RNF126: variants seen among roughly 807,000 people sequenced by gnomAD.
RNF126 encodes ring finger protein 126, also known as E3 ubiquitin-protein ligase RNF126.
In RNF126, 20 loss-of-function variants were observed where a neutral mutation model predicts 41.9. That is an observed-to-expected ratio of 0.48 (90% CI 0.34 to 0.69). RNF126 has a LOEUF of 0.69. Among genes scored for constraint, RNF126 ranks in the 30% least tolerant of loss-of-function variants. The pLI is 0.01. For synonymous variants in RNF126, 239 were observed against 202.9 expected (o/e 1.18, Z -1.51); for missense variants, 433 against 460.6 (o/e 0.94, Z 0.55).
chr19:649,379 C>T (rs930225095), intron 6 of RNF126: 4 of 447,810 alleles, frequency 8.9e-6, no homozygotes, highest in Admixed American at 7.7e-5. Flanking sequence ...CAGGTCAGGG[C>T]GCGACCTCTC....
intron 1 of RNF126, among the ~76,000 whole-genome samples, chr19:661,744 T>C (rs574097677): frequency 1.3e-5 from 2 of 152,298 alleles, no homozygotes; most frequent in Non-Finnish European, 2.9e-5. Flanking sequence ...TGGACTTCTC[T>C]TACGGGTCAA....
At chr19:652,569 G>T in intron 2 of RNF126, 1 of 605,280 alleles carries the variant, frequency 1.7e-6, no homozygotes, top group Admixed American at 3.0e-5. Context: ...GAGGGCCTGG[G>T]TCACCAGATT....
In RNF126 at chr19:648,685, G is replaced by A. The variant is rs180829677; in HGVS notation, c.670+197C>T. ...CCAGCCCACCTTCAGGGAAATGCTCGAGGCCGGGTGCGGTGGCTCACGCCT... is the reference window on the plus strand; with the variant it reads ...CCAGCCCACCTTCAGGGAAATGCTCAAGGCCGGGTGCGGTGGCTCACGCCT... On this transcript the variant is annotated intron_variant, in intron 7 of 8. Coordinates refer to ENST00000292363, the MANE Select transcript of RNF126 (RefSeq NM_194460.3). Among the ~76,000 whole-genome samples, 1,272 of 152,068 alleles carry A rather than the reference G, an allele frequency of 8.4e-3. 13 individuals are homozygous for A. The highest frequency in any genetic ancestry group is 0.015 in the Non-Finnish European group (1,008 of 68,008).
intron 6 of RNF126, chr19:649,220 T>TGA: frequency 8.2e-6 from 1 of 121,630 alleles, no homozygotes; most frequent in South Asian, 2.6e-4. Context: ...GACAGCGGAA[T>TGA]GGGGGGGGGG....
chr19:656,454 G>A (rs537982441), intron 1 of RNF126, among the ~76,000 whole-genome samples: 1 of 152,228 alleles, frequency 6.6e-6, no homozygotes, highest in South Asian at 2.1e-4. Context: ...AGGAGTTCGA[G>A]ACCAGCCAAC....
chr19:656,870 C>T (rs1422288227), intron 1 of RNF126, among the ~76,000 whole-genome samples: 2 of 152,168 alleles, frequency 1.3e-5, no homozygotes, highest in Non-Finnish European at 2.9e-5. Context: ...CTGCCGGTGT[C>T]GGGTCTATCG....
intron 5 of RNF126, among the ~76,000 whole-genome samples, chr19:650,033 C>G (rs1313085859): frequency 6.7e-6 from 1 of 148,350 alleles, no homozygotes; most frequent in Non-Finnish European, 1.5e-5. Context: ...TGGGGACAGG[C>G]ACCCCCACCC....
At chr19:650,364 G>T (rs1179418790) in intron 4 of RNF126, 68 bp from the exon 5 acceptor site, 2 of 1,415,306 alleles carry the variant, frequency 1.4e-6, no homozygotes, top group Non-Finnish European at 1.9e-6. Flanking sequence ...AGGCCTGCCA[G>T]GTCCGTGGTG....
chr19:652,694 G>T, intron 2 of RNF126, 132 bp downstream of exon 2: 1 of 790,890 alleles, frequency 1.3e-6, no homozygotes, highest in Non-Finnish European at 2.1e-6. Context: ...AGAGAAAAGT[G>T]CTCCCGGAGC....
chr19:658,151 G>A (rs1269413612), intron 1 of RNF126, among the ~76,000 whole-genome samples: 1 of 152,114 alleles, frequency 6.6e-6, no homozygotes, highest in Non-Finnish European at 1.5e-5. Context: ...GCAACAGCTG[G>A]CCAGGCAGCC....
At chr19:649,407 G>A in intron 6 of RNF126, 1 of 492,244 alleles carries the variant, frequency 2.0e-6, no homozygotes, top group Non-Finnish European at 3.6e-6. Context: ...GGGACCGCGT[G>A]GCCTCCTGAC....
intron 1 of RNF126, among the ~76,000 whole-genome samples, chr19:660,817 T>C (rs965742414): frequency 2.0e-5 from 3 of 152,124 alleles, no homozygotes; most frequent in African/African-American, 7.2e-5. Context: ...TAGTCTTCTG[T>C]AGAGACAGGG....
chr19:648,436 C>G lies in RNF126; in HGVS notation c.722G>C (p.Arg241Pro). ...GTGGTTGCAGGGCAGCTGCCGCACA[C>G]GCTCACCCAGCGCGTAGTCGTCCTT... ...VCKDDYALGE[R>P]VRQLPCNHLF... Residue 241 changes from arginine (R) to proline (P), a missense_variant, in exon 8 of 9, where the codon CGT becomes CCT. Arg to Pro is a moderately radical substitution (Grantham distance 103). Coordinates refer to ENST00000292363, the MANE Select transcript of RNF126 (RefSeq NM_194460.3). The G allele has an allele frequency of 1.3e-6, 2 of 1,591,190 alleles. No individual in the cohort carries two copies. Among genetic ancestry groups the G allele is most frequent in the Non-Finnish European group, 1.7e-6 (2 of 1,172,114 alleles).
chr19:652,740 G>A (rs1164523017), intron 2 of RNF126, 86 bp downstream of exon 2: 51 of 1,288,162 alleles, frequency 4.0e-5, no homozygotes, highest in Admixed American at 9.3e-5. Context: ...CACACTCGGC[G>A]GGGCGGACGC....
At chr19:653,275 C>T (rs575700437) in intron 1 of RNF126, among the ~76,000 whole-genome samples, 3 of 152,330 alleles carry the variant, frequency 2.0e-5, no homozygotes, top group East Asian at 1.9e-4. Flanking sequence ...ATTTCCAGGA[C>T]GCTCTGGCAG....
intron 1 of RNF126, among the ~76,000 whole-genome samples, chr19:662,503 T>C (rs1237879529): frequency 6.6e-6 from 1 of 152,042 alleles, no homozygotes; most frequent in Non-Finnish European, 1.5e-5. Context: ...GGCCTGGGCC[T>C]GCCTCCAAGG....
intron 1 of RNF126, among the ~76,000 whole-genome samples, chr19:654,619 G>C (rs190126798): frequency 8.1e-6 from 1 of 122,830 alleles, no homozygotes; most frequent in Non-Finnish European, 1.6e-5. Flanking sequence ...CTGCAGCCTG[G>C]GCGAGGGAGC....
rs773981212 is a variant in RNF126, at chr19:647,983, C to T, written c.*145G>A. On this transcript the variant is annotated 3_prime_UTR_variant, in exon 9 of 9. Transcript: ENST00000292363. ...AGCCAGGGGGCCGGTGGGCCGGGCCCGGGTCCTGCCCTGGAACAGGCGGGA... is the reference window on the plus strand; with the variant it reads ...AGCCAGGGGGCCGGTGGGCCGGGCCTGGGTCCTGCCCTGGAACAGGCGGGA... 5.0e-5 allele frequency: 53 copies of T among 1,054,362 alleles called. 1 individual carries two copies. The highest frequency in any genetic ancestry group is 4.0e-4 in the South Asian group (24 of 59,440). The allele number at this position is 1,054,362 out of a possible 1,614,324, so 65.3% of individuals were successfully genotyped here.
rs144347019 is a variant in RNF126 at position 648,119 on chromosome 19, G to A, written c.*9C>T. The A allele has an allele frequency of 6.3e-4, 993 of 1,567,510 alleles. 5 individuals are homozygous for A. The African/African-American group carries it at 0.012, about 19-fold the overall frequency. ...AAGGCCCCGTGCTTTCCCGACGGCC[G>A]ACGTGGGCTCACGAGTTGCTTGTGG... On this transcript the variant is annotated 3_prime_UTR_variant, in exon 9 of 9. Transcript: ENST00000292363.
Sources: allele counts gnomAD v4.1 joint callset (sites outside exome capture counted in the v4.1 genomes callset), GRCh38; gene constraint gnomAD v4.1.1; transcripts MANE v1.5; gene names NCBI Gene and HGNC (gene_info 2026-07-23, HGNC 2026-07-21).